The following KCNC2 variants were observed in gnomAD, a reference collection of about 807,000 sequenced individuals.
KCNC2 encodes the protein voltage-gated potassium channel KCNC2.
In KCNC2, 21 loss-of-function variants were observed where a neutral mutation model predicts 44.5. The observed-to-expected ratio is 0.47, with a 90% confidence interval of 0.33 to 0.68. The LOEUF is 0.68. Ranked by LOEUF, KCNC2 falls within the 30% of genes least tolerant of loss-of-function variation. The pLI, the probability that KCNC2 is intolerant of heterozygous loss-of-function variation, is 0.01. For synonymous variants in KCNC2, 391 were observed against 339.1 expected, an observed-to-expected ratio of 1.15 and a Z score of -1.68; for missense variants, 589 against 826.2, an observed-to-expected ratio of 0.71 and a Z score of 3.52.
chr12:75,203,397 C>T (rs2031450674), intron 2 of KCNC2, among the ~76,000 whole-genome samples: 1 of 151,624 alleles, frequency 6.6e-6, no homozygotes, highest in Non-Finnish European at 1.5e-5. Context: ...ATCTATAATG[C>T]TAATAATATG....
chr12:75,120,704 G>C (rs562000881), intron 2 of KCNC2, among the ~76,000 whole-genome samples: 16 of 152,292 alleles, frequency 1.1e-4, no homozygotes, highest in African/African-American at 3.8e-4. Flanking sequence ...ACCCTCCCAG[G>C]AAAGGCAGTT....
chr12:75,133,819 G>A (rs538465282), intron 2 of KCNC2, among the ~76,000 whole-genome samples: 2 of 152,036 alleles, frequency 1.3e-5, no homozygotes, highest in African/African-American at 2.4e-5. Context: ...CATATATCCT[G>A]TGCAAACTGG....
At chr12:75,070,224 C>A (rs951584792) in intron 2 of KCNC2, among the ~76,000 whole-genome samples, 6 of 152,012 alleles carry the variant, frequency 3.9e-5, no homozygotes, top group Admixed American at 1.3e-4. Context: ...CCGAGGCAGG[C>A]GGATTGCTTG....
At position 75,040,452 on chromosome 12, in the gene KCNC2, CTA is replaced by C. The variant is rs1275686643; in HGVS notation, c.*2651_*2652del. 1 of 152,446 alleles carries C rather than the reference CTA, an allele frequency of 6.6e-6. No individual in the cohort carries two copies. The highest frequency in any genetic ancestry group is 2.4e-5 in the African/African-American group (1 of 41,388). 9.4% of individuals were successfully genotyped at this position (152,446 alleles called of 1,614,324 possible). On this transcript the variant is annotated 3_prime_UTR_variant, in exon 5 of 5. Transcript: ENST00000549446. The stretch of plus-strand genomic sequence containing the variant: ...AGGATATAATTTAATTGATATTCTA[CTA>C]TATACTGACATTGCTCCTTGATCAT...
At chr12:75,162,427 G>A (rs1251150123) in intron 2 of KCNC2, among the ~76,000 whole-genome samples, 1 of 151,650 alleles carries the variant, frequency 6.6e-6, no homozygotes, top group African/African-American at 2.4e-5. Context: ...GGTCTCCTCA[G>A]GTTTGTGGGA....
At chr12:75,158,697 T>C (rs1282020154) in intron 2 of KCNC2, among the ~76,000 whole-genome samples, 6 of 151,858 alleles carry the variant, frequency 4.0e-5, no homozygotes, top group East Asian at 3.9e-4. Context: ...GATTTTTTTT[T>C]CCCAAAAAAC....
chr12:75,103,639 A>G (rs1886548167), intron 2 of KCNC2, among the ~76,000 whole-genome samples: 3 of 152,168 alleles, frequency 2.0e-5, no homozygotes, highest in Admixed American at 1.3e-4. Flanking sequence ...TGCTCATTAT[A>G]CAAGGTTATA....
At chr12:75,147,214 C>T (rs2137440361) in intron 2 of KCNC2, among the ~76,000 whole-genome samples, 1 of 152,066 alleles carries the variant, frequency 6.6e-6, no homozygotes, top group Admixed American at 6.5e-5. Context: ...TAGAGATAAA[C>T]AAAATGTGTG....
At chr12:75,119,834 A>C (rs1444919336) in intron 2 of KCNC2, among the ~76,000 whole-genome samples, 2 of 152,204 alleles carry the variant, frequency 1.3e-5, no homozygotes, top group African/African-American at 4.8e-5. Context: ...GTTTAGTGTA[A>C]TATTTTGGTC....
At chr12:75,128,217 C>T (rs945356548) in intron 2 of KCNC2, among the ~76,000 whole-genome samples, 8 of 152,068 alleles carry the variant, frequency 5.3e-5, no homozygotes, top group Non-Finnish European at 1.2e-4. Flanking sequence ...ATGACCAAAG[C>T]AGTGTAAAAA....
Position 75,042,056 on chromosome 12 carries a change from G to A in KCNC2, c.*1049C>T. 1.7e-6 allele frequency: 2 copies of A among 1,167,954 alleles called. No individual in the cohort carries two copies. Among genetic ancestry groups the A allele is most frequent in the Non-Finnish European group, 2.1e-6 (2 of 948,512 alleles). 72.3% of individuals were successfully genotyped at this position (1,167,954 alleles called of 1,614,324 possible). On this transcript the variant is annotated 3_prime_UTR_variant, in exon 5 of 5. Coordinates refer to ENST00000549446, the MANE Select transcript of KCNC2 (RefSeq NM_139137.4). ...CTTTTGACTCAGGAATTTAAGGCTA[G>A]TCAAAAAAGCCTTCTGTGAACACCA...
intron 2 of KCNC2, among the ~76,000 whole-genome samples, chr12:75,197,199 TGA>T (rs2137753292): frequency 6.6e-6 from 1 of 152,174 alleles, no homozygotes; most frequent in African/African-American, 2.4e-5. Context: ...TGTCCTGGAC[TGA>T]GAGTCTTACA....
intron 2 of KCNC2, among the ~76,000 whole-genome samples, chr12:75,203,236 CT>C (rs1409449498): frequency 6.6e-6 from 1 of 151,570 alleles, no homozygotes; most frequent in African/African-American, 2.4e-5. Flanking sequence ...TAGATCATGT[CT>C]TTCTTGTTTT....
chr12:75,062,381 C>T (rs1204466165), intron 2 of KCNC2, among the ~76,000 whole-genome samples: 1 of 152,010 alleles, frequency 6.6e-6, no homozygotes, highest in African/African-American at 2.4e-5. Flanking sequence ...GCAATAAAGC[C>T]AGGAGAATGA....
chr12:75,191,804 C>T, intron 2 of KCNC2, among the ~76,000 whole-genome samples: 1 of 151,846 alleles, frequency 6.6e-6, no homozygotes. Flanking sequence ...CCGCCTCGGC[C>T]TCCCAAAGTG....
In KCNC2 at chr12:75,042,291, G is replaced by A; in HGVS notation, c.*814C>T. ...TGGCTGGCAGTTACCTTTCTCTCAT[G>A]TTTTGTGCCTTCCCCAAGTCATTAA... On this transcript the variant is annotated 3_prime_UTR_variant, in exon 5 of 5. Transcript: ENST00000549446. 1 of 1,610,342 alleles carries A rather than the reference G, an allele frequency of 6.2e-7. No homozygotes were observed. The highest frequency in any genetic ancestry group is 8.5e-7 in the Non-Finnish European group (1 of 1,178,000).
At chr12:75,139,432 A>G (rs1469669616) in intron 2 of KCNC2, among the ~76,000 whole-genome samples, 1 of 152,232 alleles carries the variant, frequency 6.6e-6, no homozygotes, top group Admixed American at 6.5e-5. Flanking sequence ...AGCGAGTGAA[A>G]TAACAATTTG....
intron 2 of KCNC2, among the ~76,000 whole-genome samples, chr12:75,060,045 A>G (rs1299347624): frequency 6.6e-6 from 1 of 152,170 alleles, no homozygotes; most frequent in Non-Finnish European, 1.5e-5. Flanking sequence ...AATAAAGGCA[A>G]TCAAAATACT....
chr12:75,142,714 T>C (rs1275308234), intron 2 of KCNC2, among the ~76,000 whole-genome samples: 1 of 152,168 alleles, frequency 6.6e-6, no homozygotes, highest in African/African-American at 2.4e-5. Flanking sequence ...CCTCTTTTCA[T>C]GGGCCCCTAC....
Sources: allele counts gnomAD v4.1 joint callset (sites outside exome capture counted in the v4.1 genomes callset), GRCh38; gene constraint gnomAD v4.1.1; transcripts MANE v1.5; gene names NCBI Gene and HGNC (gene_info 2026-07-23, HGNC 2026-07-21).